DPP6: variants seen among roughly 807,000 people sequenced by gnomAD.
The protein encoded by DPP6 is dipeptidyl peptidase like 6.
In DPP6, 69 loss-of-function variants were observed where a neutral mutation model predicts 122.6. That is an observed-to-expected ratio of 0.56 (90% CI 0.46 to 0.69). The LOEUF (loss-of-function observed/expected upper bound fraction) is 0.69, where lower values mean the gene tolerates loss of function less well. Among genes scored for constraint, DPP6 ranks in the 30% least tolerant of loss-of-function variants. The pLI is 0.00. For synonymous variants in DPP6, 418 were observed against 433.1 expected, an observed-to-expected ratio of 0.97 and a Z score of 0.43; for missense variants, 928 against 1,116.9, an observed-to-expected ratio of 0.83 and a Z score of 2.41.
chr7:154,360,963 T>G (rs1426849827), intron 1 of DPP6, among the ~76,000 whole-genome samples: 1 of 152,148 alleles, frequency 6.6e-6, no homozygotes, highest in Non-Finnish European at 1.5e-5. Context: ...TTCTGTATAA[T>G]CAGATGCTGA....
At chr7:154,588,063 G>T (rs775185896) in intron 5 of DPP6, 1 of 1,607,164 alleles carries the variant, frequency 6.2e-7, no homozygotes, top group Non-Finnish European at 8.5e-7. Context: ...GGCAGATTTC[G>T]GGCCAGAGAG....
the DPP6 span, among the ~76,000 whole-genome samples, chr7:153,771,500 T>G: frequency 6.6e-6 from 1 of 152,108 alleles, no homozygotes; most frequent in South Asian, 2.1e-4. Flanking sequence ...CCACCACGCC[T>G]GACTAATTTT....
At chr7:154,817,138 A>G (rs950997300) in intron 16 of DPP6, among the ~76,000 whole-genome samples, 4 of 152,138 alleles carry the variant, frequency 2.6e-5, no homozygotes, top group Non-Finnish European at 5.9e-5. Context: ...TGTCCTGCAA[A>G]TATGTATACT....
intron 10 of DPP6, among the ~76,000 whole-genome samples, chr7:154,781,800 A>G (rs1040264020): frequency 1.3e-5 from 2 of 152,236 alleles, no homozygotes; most frequent in African/African-American, 4.8e-5. Flanking sequence ...TCATGAGATA[A>G]ACCAGCTTTG....
chr7:153,980,400 T>C (rs887283294), intron 1 of DPP6, among the ~76,000 whole-genome samples: 2 of 152,210 alleles, frequency 1.3e-5, no homozygotes, highest in Non-Finnish European at 2.9e-5. Context: ...ATATCCCCTT[T>C]ATCATTTTCT....
chr7:153,784,202 C>G, the DPP6 span, among the ~76,000 whole-genome samples: 1 of 152,132 alleles, frequency 6.6e-6, no homozygotes, highest in Admixed American at 6.5e-5. Flanking sequence ...AATGTGCAAG[C>G]AGCATTTTGC....
chr7:153,983,551 T>C (rs1271759960), intron 1 of DPP6, among the ~76,000 whole-genome samples: 1 of 151,986 alleles, frequency 6.6e-6, no homozygotes, highest in African/African-American at 2.4e-5. Flanking sequence ...TCCAGGTGAG[T>C]GAACAGTTCT....
At chr7:153,889,098 G>A (rs936567259) in intron 1 of DPP6, among the ~76,000 whole-genome samples, 3 of 152,170 alleles carry the variant, frequency 2.0e-5, no homozygotes, top group Non-Finnish European at 4.4e-5. Flanking sequence ...CTGGGTTCAA[G>A]ACACCTCGCA....
the DPP6 span, among the ~76,000 whole-genome samples, chr7:153,791,424 C>CTTTTTTTTTTTTTTTTTTT: frequency 7.7e-4 from 71 of 91,640 alleles, 10 homozygotes; most frequent in East Asian, 1.5e-3. Context: ...TCCTTCCTTT[C>CTTTTTTTTTTTTTTTTTTT]TTTTTTTTTT....
intron 21 of DPP6, among the ~76,000 whole-genome samples, chr7:154,882,425 G>A (rs940455339): frequency 2.0e-5 from 3 of 152,190 alleles, no homozygotes; most frequent in Non-Finnish European, 4.4e-5. Context: ...ATAGAGGTCC[G>A]TAGACCCCAC....
At chr7:153,869,273 T>A in the DPP6 span, among the ~76,000 whole-genome samples, 3 of 152,206 alleles carry the variant, frequency 2.0e-5, no homozygotes, top group African/African-American at 7.2e-5. Flanking sequence ...CCCATTATTA[T>A]TGTGTGGGAG....
At chr7:154,498,646 C>T (rs962588151) in intron 3 of DPP6, among the ~76,000 whole-genome samples, 1 of 152,012 alleles carries the variant, frequency 6.6e-6, no homozygotes, top group Admixed American at 6.6e-5. Flanking sequence ...CCAGATAGAC[C>T]ATCTATTATG....
At chr7:154,151,640 C>A (rs113231773) in intron 1 of DPP6, among the ~76,000 whole-genome samples, 2,167 of 152,212 alleles carry the variant, frequency 0.014, 24 homozygotes, top group African/African-American at 0.049. Context: ...CCTTGCCCTC[C>A]CTCAGGGACC....
rs1584927390 is a variant in DPP6, at chr7:154,863,781, C to T, written c.1715-4214C>T. On this transcript the variant is annotated intron_variant, in intron 17 of 25. Transcript: ENST00000377770. The surrounding 1 kb of genome is among the most constrained non-coding windows in gnomAD (Gnocchi z 4.1). ...AGTGAGTTATGATTTCACCACTGCA[C>T]TCCAACCTGGCTGCAAGACCCTGTC... 6.6e-6 allele frequency among the ~76,000 whole-genome samples: 1 copy of T among 152,036 alleles called. No individual in the cohort carries two copies. Among genetic ancestry groups the T allele is most frequent in the East Asian group, 2.0e-4 (1 of 5,112 alleles).
At chr7:153,811,209 G>A in the DPP6 span, among the ~76,000 whole-genome samples, 4 of 152,176 alleles carry the variant, frequency 2.6e-5, no homozygotes, top group South Asian at 2.1e-4. Flanking sequence ...TGCAAGGCCC[G>A]AGTTAAAGGA....
intron 1 of DPP6, among the ~76,000 whole-genome samples, chr7:153,956,868 GTCA>G: frequency 6.6e-6 from 1 of 152,120 alleles, no homozygotes; most frequent in Non-Finnish European, 1.5e-5. Context: ...GTCTGGAAGG[GTCA>G]TTATCTGGAA....
intron 1 of DPP6, among the ~76,000 whole-genome samples, chr7:154,132,671 T>G (rs1464010870): frequency 1.3e-5 from 2 of 152,110 alleles, no homozygotes; most frequent in African/African-American, 2.4e-5. Flanking sequence ...TTTCTTGTCT[T>G]CAGTGGGTTT....
intron 1 of DPP6, among the ~76,000 whole-genome samples, chr7:154,160,784 A>G (rs1478939022): frequency 6.6e-6 from 1 of 152,216 alleles, no homozygotes; most frequent in African/African-American, 2.4e-5. Context: ...GAGTTAGTTA[A>G]TCCTAAACCT....
intron 7 of DPP6, among the ~76,000 whole-genome samples, chr7:154,711,945 C>CACACACACACA (rs1554443047): frequency 3.8e-4 from 57 of 149,668 alleles, no homozygotes; most frequent in Middle Eastern, 3.4e-3. Context: ...TTAATACACA[C>CACACACACACA]ACACACACAC....
Sources: allele counts gnomAD v4.1 joint callset (sites outside exome capture counted in the v4.1 genomes callset), GRCh38; gene constraint gnomAD v4.1.1; non-coding constraint Gnocchi (gnomAD v3.1); transcripts MANE v1.5; gene names NCBI Gene and HGNC (gene_info 2026-07-23, HGNC 2026-07-21).